The following LINGO2 variants were observed in gnomAD, a reference collection of about 807,000 sequenced individuals.
The protein encoded by LINGO2 is leucine-rich repeat and immunoglobulin-like domain-containing nogo receptor-interacting protein 2.
A neutral mutation model predicts 30.6 loss-of-function variants in LINGO2; 14 were observed. The observed-to-expected ratio is 0.46, with a 90% CI of 0.30 to 0.72. LINGO2 has a LOEUF of 0.72. Ranked by LOEUF, LINGO2 falls within the 30% of genes least tolerant of loss-of-function variation. The pLI is 0.07. For missense variants in LINGO2, 729 were observed against 751.7 expected, an observed-to-expected ratio of 0.97 and a Z score of 0.35; for synonymous variants, 317 against 288.5, an observed-to-expected ratio of 1.10 and a Z score of -1.00.
chr9:28,411,180 A>T (rs1822746547), intron 2 of LINGO2, among the ~76,000 whole-genome samples: 2 of 152,096 alleles, frequency 1.3e-5, no homozygotes, highest in South Asian at 4.1e-4. Context: ...AGGCATATGA[A>T]AACATGCTAA....
At chr9:28,132,838 C>A (rs1443323366) in intron 4 of LINGO2, among the ~76,000 whole-genome samples, 2 of 152,202 alleles carry the variant, frequency 1.3e-5, no homozygotes, top group Admixed American at 6.5e-5. Flanking sequence ...TGACCTTGAC[C>A]TGTTTGCTTT....
chr9:28,572,574 A>G (rs147459774), intron 1 of LINGO2, among the ~76,000 whole-genome samples: 34 of 152,250 alleles, frequency 2.2e-4, no homozygotes, highest in African/African-American at 7.2e-4. Context: ...GATGACCTCA[A>G]TAAGTTATAT....
At chr9:29,010,053 G>T in the LINGO2 span, among the ~76,000 whole-genome samples, 1 of 152,080 alleles carries the variant, frequency 6.6e-6, no homozygotes, top group Non-Finnish European at 1.5e-5. Flanking sequence ...ATACTTAAAT[G>T]TTAGACCTAA....
chr9:28,046,141 A>G (rs1216947475), intron 4 of LINGO2, among the ~76,000 whole-genome samples: 1 of 152,176 alleles, frequency 6.6e-6, no homozygotes, highest in African/African-American at 2.4e-5. Flanking sequence ...ATTGGCTAAA[A>G]CCACTTTTTA....
Position 28,227,152 on chromosome 9 carries a change from C to T in LINGO2, c.-87+68056G>A, listed in dbSNP as rs1821197579. Among the ~76,000 whole-genome samples, 3 of 152,158 alleles carry T rather than the reference C, an allele frequency of 2.0e-5. No individual in the cohort carries two copies. In the East Asian group the frequency reaches 5.8e-4, roughly 29 times the overall value. ...GCCATTATTATTATATGATATATGC[C>T]TTCCAATGTACAGATCAGAAACTTG... On this transcript the variant is annotated intron_variant, in intron 4 of 5. Coordinates refer to ENST00000379992, the Ensembl canonical transcript of LINGO2.
At chr9:28,803,286 AAAT>A in the LINGO2 span, among the ~76,000 whole-genome samples, 1 of 151,740 alleles carries the variant, frequency 6.6e-6, no homozygotes, top group Non-Finnish European at 1.5e-5. Flanking sequence ...TCATAAGTAG[AAAT>A]AATATTTTTA....
chr9:28,427,317 A>G (rs1025622982), intron 2 of LINGO2, among the ~76,000 whole-genome samples: 2 of 152,112 alleles, frequency 1.3e-5, no homozygotes, highest in Non-Finnish European at 2.9e-5. Flanking sequence ...GGTCCAGCCC[A>G]CCTGCTCTCA....
the LINGO2 span, among the ~76,000 whole-genome samples, chr9:29,037,628 C>T: frequency 6.6e-6 from 1 of 151,910 alleles, no homozygotes; most frequent in South Asian, 2.1e-4. Context: ...CATTTCAGCT[C>T]ATTTCAGCCA....
At chr9:27,996,653 A>G (rs1821678129) in intron 5 of LINGO2, among the ~76,000 whole-genome samples, 1 of 152,206 alleles carries the variant, frequency 6.6e-6, no homozygotes. Flanking sequence ...GTTAATGGGT[A>G]ATACAGTTAG....
the LINGO2 span, among the ~76,000 whole-genome samples, chr9:29,168,262 G>GA: frequency 0.03 from 4,429 of 146,814 alleles, 117 homozygotes; most frequent in African/African-American, 0.064. Flanking sequence ...GCTAATATAA[G>GA]AAAAAAAAAA....
At chr9:27,986,940 A>C (rs191764982) in intron 5 of LINGO2, among the ~76,000 whole-genome samples, 145 of 151,964 alleles carry the variant, frequency 9.5e-4, no homozygotes, top group African/African-American at 3.4e-3. Context: ...TCCTCAACTC[A>C]GTCAGCAAGA....
chr9:28,007,291 C>A (rs962958605), intron 5 of LINGO2, among the ~76,000 whole-genome samples: 4 of 152,048 alleles, frequency 2.6e-5, no homozygotes, highest in Non-Finnish European at 5.9e-5. Context: ...AAATAACAGA[C>A]ACCCTGGAGA....
the LINGO2 span, among the ~76,000 whole-genome samples, chr9:28,783,061 T>C: frequency 2.6e-5 from 4 of 152,230 alleles, no homozygotes; most frequent in African/African-American, 9.6e-5. Flanking sequence ...TGTAATCTTA[T>C]GGAGCAACTG....
intron 4 of LINGO2, among the ~76,000 whole-genome samples, chr9:28,241,919 A>G (rs1044253093): frequency 1.3e-5 from 2 of 152,156 alleles, no homozygotes; most frequent in African/African-American, 4.8e-5. Context: ...CAGAAAGCCA[A>G]CATAACAGCA....
intron 4 of LINGO2, among the ~76,000 whole-genome samples, chr9:28,237,286 T>G (rs969454853): frequency 6.6e-6 from 1 of 151,160 alleles, no homozygotes; most frequent in East Asian, 1.9e-4. Context: ...ACAATAGATA[T>G]ACACACAAAA....
chr9:28,173,867 T>G (rs1587138495), intron 4 of LINGO2, among the ~76,000 whole-genome samples: 1 of 152,220 alleles, frequency 6.6e-6, no homozygotes, highest in African/African-American at 2.4e-5. Context: ...AAATTAATCA[T>G]TTAAAGTCAG....
At chr9:28,580,538 G>C (rs958577844) in intron 1 of LINGO2, among the ~76,000 whole-genome samples, 4 of 149,864 alleles carry the variant, frequency 2.7e-5, no homozygotes, top group African/African-American at 9.7e-5. Context: ...TTCAGCTCTT[G>C]ACCACTTGCT....
chr9:28,613,541 A>T (rs1261513115), intron 1 of LINGO2, among the ~76,000 whole-genome samples: 1 of 152,134 alleles, frequency 6.6e-6, no homozygotes, highest in Non-Finnish European at 1.5e-5. Context: ...TGATATGTAG[A>T]AATGTCAGGA....
intron 3 of LINGO2, among the ~76,000 whole-genome samples, chr9:28,354,658 A>G (rs1003218714): frequency 1.3e-5 from 2 of 152,310 alleles, no homozygotes; most frequent in Admixed American, 6.5e-5. Flanking sequence ...TAAACACAAC[A>G]ACCCTGTACA....
Sources: gnomAD v4.1 joint callset for allele counts (sites outside exome capture counted in the v4.1 genomes callset) on GRCh38, gnomAD v4.1.1 for gene constraint, MANE v1.5 for transcripts, NCBI Gene and HGNC (gene_info 2026-07-23, HGNC 2026-07-21) for gene names.